Variants in ACADL observed in about 807,000 individuals in gnomAD.
ACADL encodes the protein acyl-CoA dehydrogenase long chain.
ACADL carries 60 observed loss-of-function variants against 56.9 expected under a neutral mutation model. The ratio of observed to expected loss-of-function variants is 1.05; its 90% CI spans 0.86 to 1.31. ACADL has a LOEUF of 1.31. ACADL is among the 50% of genes most tolerant of loss of function. The pLI is 0.00. For missense variants in ACADL, 484 were observed against 525.5 expected, an observed-to-expected ratio of 0.92 and a Z score of 0.77; for synonymous variants, 158 against 179.7, an observed-to-expected ratio of 0.88 and a Z score of 0.97.
chr2:210,214,944 AAATAC>A (rs1241558309), intron 4 of ACADL, among the ~76,000 whole-genome samples: 1 of 152,256 alleles, frequency 6.6e-6, no homozygotes, highest in African/African-American at 2.4e-5. Context: ...TTAAAAAGAT[AAATAC>A]AATGTAAACA....
At chr2:210,222,400 T>C (rs541704022) in intron 1 of ACADL, among the ~76,000 whole-genome samples, 12 of 150,876 alleles carry the variant, frequency 8.0e-5, no homozygotes, top group African/African-American at 2.4e-5. Context: ...CTCACACCTG[T>C]AATCCCAGCA....
intron 2 of ACADL, among the ~76,000 whole-genome samples, chr2:210,220,231 T>C (rs1689152489): frequency 6.6e-6 from 1 of 152,104 alleles, no homozygotes; most frequent in South Asian, 2.1e-4. Flanking sequence ...TTCTGGTCAA[T>C]AAAATAATAA....
chr2:210,198,714 G>T (rs1688750121), intron 8 of ACADL, among the ~76,000 whole-genome samples: 1 of 152,000 alleles, frequency 6.6e-6, no homozygotes, highest in Non-Finnish European at 1.5e-5. Flanking sequence ...TTCCTTAACT[G>T]TAAAATAAAA....
chr2:210,192,638 T>TA (rs202025002), intron 10 of ACADL, among the ~76,000 whole-genome samples, 166 bp downstream of exon 10: 2,108 of 151,526 alleles, frequency 0.014, 51 homozygotes, highest in African/African-American at 0.043. Context: ...AGGGAGTTGA[T>TA]AAAAAAAAAG....
intron 1 of ACADL, among the ~76,000 whole-genome samples, chr2:210,223,551 C>G (rs555141374): frequency 6.6e-6 from 1 of 152,134 alleles, no homozygotes; most frequent in Non-Finnish European, 1.5e-5. Flanking sequence ...ACTGTAGCCC[C>G]CCAGCCCATT....
chr2:210,213,438 T>G (rs904990876), intron 4 of ACADL, among the ~76,000 whole-genome samples: 1 of 151,810 alleles, frequency 6.6e-6, no homozygotes, highest in Non-Finnish European at 1.5e-5. Context: ...AGGTGGAGGT[T>G]GCAGTGAGCC....
chr2:210,193,189 C>A (rs1688663449), intron 9 of ACADL, among the ~76,000 whole-genome samples: 1 of 152,068 alleles, frequency 6.6e-6, no homozygotes, highest in Admixed American at 6.5e-5. Context: ...GCTAGAAAAA[C>A]ATGCAGTAAA....
At chr2:210,213,385 A>T (rs968339684) in intron 4 of ACADL, among the ~76,000 whole-genome samples, 1 of 152,070 alleles carries the variant, frequency 6.6e-6, no homozygotes, top group Non-Finnish European at 1.5e-5. Context: ...CTGTAATCCC[A>T]GTTACTTGGG....
chr2:210,210,130 T>C, intron 5 of ACADL, 66 bp downstream of exon 5: 1 of 1,202,128 alleles, frequency 8.3e-7, no homozygotes, highest in South Asian at 1.2e-5. Flanking sequence ...ATGAGTTGTC[T>C]TTGAGACATT....
chr2:210,211,499 G>A (rs927869240), intron 4 of ACADL, among the ~76,000 whole-genome samples: 5 of 152,118 alleles, frequency 3.3e-5, no homozygotes, highest in African/African-American at 1.2e-4. Flanking sequence ...TGGGCTGATT[G>A]GATCATGGGG....
At chr2:210,212,511 G>C (rs765391791) in intron 4 of ACADL, among the ~76,000 whole-genome samples, 6 of 151,970 alleles carry the variant, frequency 3.9e-5, no homozygotes, top group Non-Finnish European at 8.8e-5. Flanking sequence ...CTGATACCTT[G>C]ATTTGGGCCC....
chr2:210,225,330 G>T lies in ACADL; in HGVS notation c.-67C>A. 6.7e-7 allele frequency: 1 copy of T among 1,488,182 alleles called. No individual in the cohort carries two copies. Among genetic ancestry groups the T allele is most frequent in the South Asian group, 1.2e-5 (1 of 82,234 alleles). The allele number at this position is 1,488,182 out of a possible 1,614,324, so 92.2% of individuals were successfully genotyped here. On this transcript the variant is annotated 5_prime_UTR_variant, in exon 1 of 11. Coordinates refer to ENST00000233710, the MANE Select transcript of ACADL (RefSeq NM_001608.4). ...CGGCTACTCGGCGACTCGGGGCAGGGTCCCCGGGAGGGAGGACGATCAGCT... is the reference window on the plus strand; with the variant it reads ...CGGCTACTCGGCGACTCGGGGCAGGTTCCCCGGGAGGGAGGACGATCAGCT...
rs1242408199 is a variant in ACADL, at chr2:210,188,612, T to A, written c.*349A>T. The A allele has an allele frequency of 4.6e-6, 1 of 219,092 alleles. No individual in the cohort carries two copies. The highest frequency in any genetic ancestry group is 9.2e-6 in the Non-Finnish European group (1 of 108,374). The allele number at this position is 219,092 out of a possible 1,614,324, so 13.6% of individuals were successfully genotyped here. On this transcript the variant is annotated 3_prime_UTR_variant, in exon 11 of 11. Transcript: ENST00000233710. ...CAATGTGCTATCTTATTAATGTTTT[T>A]ATACTATAGCGACATAAAATTATTT...
intron 7 of ACADL, 26 bp from the exon 8 acceptor site, chr2:210,203,470 A>G (rs1175462611): frequency 7.1e-7 from 1 of 1,417,324 alleles, no homozygotes; most frequent in South Asian, 1.2e-5. Context: ...TAGGTCTTAA[A>G]CATTACTCTA....
In ACADL at chr2:210,205,850, C is replaced by A; in HGVS notation, c.604-54G>T. Reference sequence around the variant, plus strand: ...CACCATGATAATTCAATTCTATGTGCAAGTTATGATTGGGAGAAAGTATAT... The same window carrying A: ...CACCATGATAATTCAATTCTATGTGAAAGTTATGATTGGGAGAAAGTATAT... On this transcript the variant is annotated intron_variant, in intron 5 of 10. Transcript: ENST00000233710. 3.7e-6 allele frequency: 6 copies of A among 1,601,534 alleles called. No individual in the cohort carries two copies. The Admixed American group carries it at 1.0e-4, about 27-fold the overall frequency.
At chr2:210,223,994 G>A (rs1458248060) in intron 1 of ACADL, among the ~76,000 whole-genome samples, 1 of 151,996 alleles carries the variant, frequency 6.6e-6, no homozygotes, top group East Asian at 1.9e-4. Context: ...TTGGGAGACC[G>A]AGGCGGGCAG....
At chr2:210,222,508 C>CAAAAAAAAAAAA (rs797000679) in intron 1 of ACADL, among the ~76,000 whole-genome samples, 6 of 81,354 alleles carry the variant, frequency 7.4e-5, no homozygotes, top group Non-Finnish European at 8.5e-5. Context: ...AACAAACAAA[C>CAAAAAAAAAAAA]AAAAAAAAAA....
At chr2:210,206,264 C>A (rs1483800611) in intron 5 of ACADL, among the ~76,000 whole-genome samples, 1 of 151,580 alleles carries the variant, frequency 6.6e-6, no homozygotes. Context: ...ATAGTAGAGA[C>A]AAAAAAATTA....
chr2:210,211,222 A>T (rs1688972542), intron 4 of ACADL, among the ~76,000 whole-genome samples: 1 of 152,206 alleles, frequency 6.6e-6, no homozygotes, highest in African/African-American at 2.4e-5. Context: ...TTGATCTGTT[A>T]ACAATATCTA....
Sources: allele counts gnomAD v4.1 joint callset (sites outside exome capture counted in the v4.1 genomes callset), GRCh38; gene constraint gnomAD v4.1.1; transcripts MANE v1.5; gene names NCBI Gene and HGNC (gene_info 2026-07-23, HGNC 2026-07-21).